The following RBM20 variants were observed in gnomAD, a reference collection of about 807,000 sequenced individuals.
RBM20 encodes RNA-binding protein 20.
A neutral mutation model predicts 110.1 loss-of-function variants in RBM20; 51 were observed. The ratio of observed to expected loss-of-function variants is 0.46; its 90% CI spans 0.37 to 0.59. The LOEUF (loss-of-function observed/expected upper bound fraction) is 0.59. Ranked by LOEUF, RBM20 falls within the 20% of genes least tolerant of loss-of-function variation. The pLI, the probability that RBM20 is intolerant of heterozygous loss-of-function variation, is 0.00. For missense variants in RBM20, 1,512 were observed against 1,574.9 expected, an observed-to-expected ratio of 0.96 and a Z score of 0.68; for synonymous variants, 589 against 618.2, an observed-to-expected ratio of 0.95 and a Z score of 0.70.
intron 1 of RBM20, among the ~76,000 whole-genome samples, chr10:110,727,555 A>G (rs1843577062): frequency 6.6e-6 from 1 of 152,062 alleles, no homozygotes; most frequent in Non-Finnish European, 1.5e-5. Flanking sequence ...CTCATATGCA[A>G]TGTTTTGATA....
chr10:110,793,973 A>G (rs1490493924), intron 5 of RBM20, among the ~76,000 whole-genome samples: 1 of 152,152 alleles, frequency 6.6e-6, no homozygotes. Context: ...CCGGGTTGGG[A>G]ATTACTGCGT....
At chr10:110,743,370 T>C (rs1406458579) in intron 1 of RBM20, among the ~76,000 whole-genome samples, 1 of 152,212 alleles carries the variant, frequency 6.6e-6, no homozygotes, top group Non-Finnish European at 1.5e-5. Flanking sequence ...TGGGGTTATT[T>C]TTTTCACAGT....
Position 110,644,363 on chromosome 10 carries a change from GGCACGGGGACCCCGGCCAGTGAGC to G in RBM20, c.-89_-66del. ...GCCACCGGGAAGGACAAGGGGACTG[GGCACGGGGACCCCGGCCAGTGAGC>G]GCCCGTGGCCCGGGACCGCCCCTCC... is the stretch of plus-strand genomic sequence containing the variant. On this transcript the variant is annotated 5_prime_UTR_variant, in exon 1 of 14. Coordinates refer to ENST00000369519, the MANE Select transcript of RBM20 (RefSeq NM_001134363.3). The surrounding 1 kb of genome is among the most constrained non-coding windows in gnomAD (Gnocchi z 4.3). 9.3e-7 allele frequency: 1 copy of G among 1,073,292 alleles called. No homozygotes were observed. The highest frequency in any genetic ancestry group is 1.2e-6 in the Non-Finnish European group (1 of 806,040). The allele number at this position is 1,073,292 out of a possible 1,614,324, so 66.5% of individuals were successfully genotyped here. A position where few individuals can be genotyped will look rare whatever the true frequency, so the allele number is the denominator to read the frequency against.
At chr10:110,683,264 A>G (rs1035154043) in intron 1 of RBM20, among the ~76,000 whole-genome samples, 3 of 152,186 alleles carry the variant, frequency 2.0e-5, no homozygotes, top group Admixed American at 1.3e-4. Context: ...AATTTCATGA[A>G]CTTGTTAATG....
intron 1 of RBM20, among the ~76,000 whole-genome samples, chr10:110,662,201 GA>G (rs1325265258): frequency 6.6e-6 from 1 of 152,066 alleles, no homozygotes; most frequent in Admixed American, 6.5e-5. Context: ...GATGAGGAAA[GA>G]AAAAAGCACT....
chr10:110,821,305 GA>G lies in RBM20; in HGVS notation c.2687del (p.Glu896GlyfsTer14), dbSNP rs2135120754. The G allele has an allele frequency of 6.4e-6, 10 of 1,551,682 alleles. No individual in the cohort carries two copies. The highest frequency in any genetic ancestry group is 8.7e-6 in the Non-Finnish European group (10 of 1,146,908). On this transcript the variant is annotated frameshift_variant, in exon 11 of 14. Coordinates refer to ENST00000369519, the MANE Select transcript of RBM20 (RefSeq NM_001134363.3). LOFTEE classifies it high-confidence loss of function. ...AGATTGGGAGAGTGAAAGTGAGGCA[GA>G]GGGGGAGAGCTGGTATCCCACTAAC... ...EQDWESESEA[E>X]GESWYPTNME...
At chr10:110,802,914 C>T (rs12248446) in intron 7 of RBM20, among the ~76,000 whole-genome samples, 1 of 152,206 alleles carries the variant, frequency 6.6e-6, no homozygotes, top group Non-Finnish European at 1.5e-5. Flanking sequence ...AGAAAAGTTG[C>T]TTAACCTCTG....
At chr10:110,802,041 T>C (rs1364779650) in intron 7 of RBM20, among the ~76,000 whole-genome samples, 1 of 152,218 alleles carries the variant, frequency 6.6e-6, no homozygotes, top group Non-Finnish European at 1.5e-5. Context: ...CGTAGTCTAT[T>C]TGGATTTCTT....
intron 6 of RBM20, among the ~76,000 whole-genome samples, chr10:110,798,024 G>A (rs1844574631): frequency 6.6e-6 from 1 of 152,182 alleles, no homozygotes; most frequent in African/African-American, 2.4e-5. Flanking sequence ...TCTCCTATCT[G>A]ATGGCCTGGA....
At chr10:110,785,712 T>G (rs1251471860) in intron 5 of RBM20, among the ~76,000 whole-genome samples, 4 of 152,158 alleles carry the variant, frequency 2.6e-5, no homozygotes, top group African/African-American at 9.7e-5. Flanking sequence ...TTTAATCCAG[T>G]TCATCTAGTA....
chr10:110,657,498 G>T (rs1238956512), intron 1 of RBM20, among the ~76,000 whole-genome samples: 3 of 152,064 alleles, frequency 2.0e-5, no homozygotes, highest in Non-Finnish European at 2.9e-5. Flanking sequence ...TTAAAACTGG[G>T]TTTTTTACAT....
chr10:110,817,996 G>T (rs1844861028), intron 9 of RBM20, among the ~76,000 whole-genome samples: 1 of 152,072 alleles, frequency 6.6e-6, no homozygotes. Context: ...ATACAGTGAA[G>T]AGGCTGGACA....
At chr10:110,698,197 C>G (rs7393405) in intron 1 of RBM20, among the ~76,000 whole-genome samples, 17,400 of 152,244 alleles carry the variant, frequency 0.11, 1,129 homozygotes, top group South Asian at 0.15. Context: ...CGTGAGCCAC[C>G]GCGCCCGGCC....
chr10:110,684,394 AAAAACAAAACAAAAC>A (rs369390447), intron 1 of RBM20, among the ~76,000 whole-genome samples: 1 of 150,764 alleles, frequency 6.6e-6, no homozygotes, highest in Admixed American at 6.6e-5. Flanking sequence ...ACTCCATCTT[AAAAACAAAACAAAAC>A]AAAACAAAAC....
At chr10:110,761,741 C>T (rs745784625) in intron 1 of RBM20, among the ~76,000 whole-genome samples, 12 of 152,226 alleles carry the variant, frequency 7.9e-5, no homozygotes, top group Non-Finnish European at 1.2e-4. Context: ...CTATACCACC[C>T]GCTGCAGGAC....
At chr10:110,709,471 C>T (rs571925502) in intron 1 of RBM20, among the ~76,000 whole-genome samples, 9 of 152,020 alleles carry the variant, frequency 5.9e-5, no homozygotes, top group African/African-American at 1.9e-4. Flanking sequence ...GGAGGAGGGA[C>T]CATCTCTTAC....
chr10:110,723,814 G>A (rs1260572270), intron 1 of RBM20, among the ~76,000 whole-genome samples: 1 of 152,184 alleles, frequency 6.6e-6, no homozygotes, highest in African/African-American at 2.4e-5. Flanking sequence ...TTGTACAGAT[G>A]AGCACGGCCC....
rs911811949 is a variant in RBM20 at position 110,837,174 on chromosome 10, G to A, written c.*1196G>A. On this transcript the variant is annotated 3_prime_UTR_variant, in exon 14 of 14. Coordinates refer to ENST00000369519, the MANE Select transcript of RBM20 (RefSeq NM_001134363.3). ...TAGGTGGACCCTTTCCAGCTGGGCA[G>A]ATAGTTGAGGGCTCCCTGGGTTTGA... 2.0e-5 allele frequency: 3 copies of A among 152,266 alleles called. No individual in the cohort carries two copies. Among genetic ancestry groups the A allele is most frequent in the African/African-American group, 7.2e-5 (3 of 41,466 alleles). 9.4% of individuals were successfully genotyped at this position (152,266 alleles called of 1,614,324 possible).
intron 12 of RBM20, 35 bp downstream of exon 12, chr10:110,823,649 G>T: frequency 6.5e-7 from 1 of 1,549,388 alleles, no homozygotes; most frequent in Non-Finnish European, 8.7e-7. Context: ...TGAAATTCAG[G>T]TCTAGGAAAT....
Sources: gnomAD v4.1 joint callset for allele counts (sites outside exome capture counted in the v4.1 genomes callset) on GRCh38, gnomAD v4.1.1 for gene constraint, Gnocchi (gnomAD v3.1) non-coding constraint, MANE v1.5 for transcripts, NCBI Gene and HGNC (gene_info 2026-07-23, HGNC 2026-07-21) for gene names.